TUSC3: variants seen among roughly 807,000 people sequenced by gnomAD.
TUSC3 encodes the protein dolichyl-diphosphooligosaccharide--protein glycosyltransferase subunit TUSC3.
In TUSC3, 45 loss-of-function variants were observed where a neutral mutation model predicts 44.8. The ratio of observed to expected loss-of-function variants is 1.00; its 90% CI spans 0.79 to 1.29. The LOEUF is 1.29. Ranked by LOEUF, TUSC3 falls within the 50% of genes most tolerant of loss-of-function variation. The probability of loss-of-function intolerance (pLI) is 0.00; values close to 1 mark genes in which losing one functional copy is unlikely to be tolerated. For synonymous variants in TUSC3, 212 were observed against 152.9 expected (o/e 1.39, Z -2.85); for missense variants, 519 against 437.9 (o/e 1.19, Z -1.65).
At chr8:15,436,759 T>A (rs990023218) in intron 1 of TUSC3, among the ~76,000 whole-genome samples, 2 of 152,176 alleles carry the variant, frequency 1.3e-5, no homozygotes, top group Admixed American at 6.5e-5. Flanking sequence ...AGTGTGCAAG[T>A]GTCACTCACC....
intron 1 of TUSC3, among the ~76,000 whole-genome samples, chr8:15,428,468 C>G (rs1248817748): frequency 4.6e-5 from 7 of 151,944 alleles, no homozygotes; most frequent in Admixed American, 3.9e-4. Context: ...GATTTATAGT[C>G]CTTTGGGTAT....
At chr8:15,685,905 C>G (rs1426871049) in intron 6 of TUSC3, among the ~76,000 whole-genome samples, 1 of 1,926 alleles carries the variant, frequency 5.2e-4, no homozygotes, top group African/African-American at 1.1e-3. Context: ...GCTAGTGACT[C>G]TGCTCATATT....
chr8:15,567,945 C>T (rs1331426185), intron 1 of TUSC3, among the ~76,000 whole-genome samples: 1 of 152,026 alleles, frequency 6.6e-6, no homozygotes, highest in East Asian at 1.9e-4. Flanking sequence ...TATTTTTGTC[C>T]TCTGTAGGCC....
In TUSC3 at chr8:15,493,256, A is replaced by C. The variant is rs564479080; in HGVS notation, n.189+9773A>C. Among the ~76,000 whole-genome samples the C allele has an allele frequency of 1.3e-4, 20 of 152,194 alleles. No homozygotes were observed. The South Asian group carries it at 3.1e-3, about 24-fold the overall frequency. On this transcript the variant is annotated intron_variant and non_coding_transcript_variant, in intron 2 of 5. Coordinates refer to the TUSC3 transcript ENST00000503191. Reference sequence around the variant, plus strand: ...GTATGAGTCCAACTTTCAGACATCAACTTTTTTTTTCTTTAGAGACAGGAG... The same window carrying C: ...GTATGAGTCCAACTTTCAGACATCACCTTTTTTTTTCTTTAGAGACAGGAG...
At chr8:15,697,036 C>T (rs1036510694) in intron 6 of TUSC3, among the ~76,000 whole-genome samples, 4 of 152,046 alleles carry the variant, frequency 2.6e-5, no homozygotes, top group African/African-American at 9.7e-5. Context: ...GGAACTTAAC[C>T]ATCTCTCTAG....
At chr8:15,550,907 G>A (rs1345122611) in intron 1 of TUSC3, among the ~76,000 whole-genome samples, 1 of 151,572 alleles carries the variant, frequency 6.6e-6, no homozygotes, top group Non-Finnish European at 1.5e-5. Context: ...CCTAACCTCG[G>A]GTGATCTGCC....
chr8:15,693,861 C>A (rs1358603820), intron 6 of TUSC3, among the ~76,000 whole-genome samples: 1 of 151,950 alleles, frequency 6.6e-6, no homozygotes, highest in Non-Finnish European at 1.5e-5. Flanking sequence ...TTCTTCATTT[C>A]TGAATGAGTT....
chr8:15,448,942 T>C (rs1563253690), intron 1 of TUSC3, among the ~76,000 whole-genome samples: 1 of 152,204 alleles, frequency 6.6e-6, no homozygotes, highest in Admixed American at 6.5e-5. Flanking sequence ...TTTTTTTTAA[T>C]AAATTTAGCA....
intron 5 of TUSC3, among the ~76,000 whole-genome samples, chr8:15,672,988 T>G (rs897978576): frequency 2.0e-5 from 3 of 151,976 alleles, no homozygotes; most frequent in African/African-American, 7.2e-5. Context: ...GAGAACACAT[T>G]TAGTCTAAAG....
At chr8:15,819,302 T>C in the TUSC3 span, among the ~76,000 whole-genome samples, 3 of 152,220 alleles carry the variant, frequency 2.0e-5, no homozygotes, top group South Asian at 6.2e-4. Context: ...CTTGTTCTTA[T>C]ACTTTAATTT....
intron 1 of TUSC3, among the ~76,000 whole-genome samples, chr8:15,570,520 G>A (rs1310363104): frequency 2.8e-5 from 4 of 143,086 alleles, no homozygotes; most frequent in Non-Finnish European, 4.4e-5. Context: ...TTAAAAACAT[G>A]TGATTGTTTG....
intron 6 of TUSC3, among the ~76,000 whole-genome samples, chr8:15,702,728 C>G (rs1410847322): frequency 6.6e-6 from 1 of 152,084 alleles, no homozygotes; most frequent in Non-Finnish European, 1.5e-5. Context: ...GAAGTATTAC[C>G]TTTTTTTCTG....
the TUSC3 span, among the ~76,000 whole-genome samples, chr8:15,840,987 T>C: frequency 2.6e-5 from 4 of 152,156 alleles, no homozygotes; most frequent in African/African-American, 4.8e-5. Flanking sequence ...GACATGTATT[T>C]TGTGTGTTTC....
intron 1 of TUSC3, among the ~76,000 whole-genome samples, chr8:15,573,942 G>T (rs1343192610): frequency 6.6e-6 from 1 of 152,142 alleles, no homozygotes; most frequent in Non-Finnish European, 1.5e-5. Context: ...CCAGTAGATG[G>T]TAGAGAATGA....
intron 2 of TUSC3, among the ~76,000 whole-genome samples, chr8:15,642,074 G>A (rs374150107): frequency 1.1e-4 from 17 of 152,244 alleles, no homozygotes; most frequent in African/African-American, 3.9e-4. Context: ...AATAGTCCAA[G>A]AACATTTCTT....
In TUSC3 at chr8:15,434,984, C is replaced by T. The variant is rs13258854; in HGVS notation, n.91+17679C>T. Among the ~76,000 whole-genome samples the T allele has an allele frequency of 1.2e-3, 179 of 147,508 alleles. 1 individual carries two copies. The highest frequency in any genetic ancestry group is 4.3e-3 in the African/African-American group (165 of 38,106). On this transcript the variant is annotated intron_variant and non_coding_transcript_variant, in intron 1 of 5. Transcript: ENST00000503191. The stretch of plus-strand genomic sequence containing the variant: ...AAGTCTTTGCTGTTGTGAATAGTGC[C>T]GCAGTAAACATACGTGTGCATGTGT...
chr8:15,583,783 G>T (rs541620659), intron 1 of TUSC3, among the ~76,000 whole-genome samples: 2 of 152,026 alleles, frequency 1.3e-5, no homozygotes, highest in Non-Finnish European at 2.9e-5. Context: ...GCAAGTATTG[G>T]AAGAGTACAT....
intron 6 of TUSC3, among the ~76,000 whole-genome samples, chr8:15,687,065 T>G (rs950291989): frequency 6.6e-6 from 1 of 151,882 alleles, no homozygotes; most frequent in South Asian, 2.1e-4. Flanking sequence ...AGAGCAAGAC[T>G]CCGTCTCAAA....
At chr8:15,712,160 A>T (rs1234263508) in intron 6 of TUSC3, among the ~76,000 whole-genome samples, 1 of 152,002 alleles carries the variant, frequency 6.6e-6, no homozygotes, top group African/African-American at 2.4e-5. Flanking sequence ...AATAAGTAAT[A>T]GCTTATTTGA....
Sources: gnomAD v4.1 joint callset for allele counts (sites outside exome capture counted in the v4.1 genomes callset) on GRCh38, gnomAD v4.1.1 for gene constraint, MANE v1.5 for transcripts, NCBI Gene and HGNC (gene_info 2026-07-23, HGNC 2026-07-21) for gene names.